The following GARNL3 variants were observed in gnomAD, a reference collection of about 807,000 sequenced individuals.
The protein encoded by GARNL3 is GTPase-activating Rap/Ran-GAP domain-like protein 3.
GARNL3 carries 63 observed loss-of-function variants against 125.0 expected under a neutral mutation model. The observed-to-expected ratio is 0.50, with a 90% confidence interval of 0.41 to 0.62. The LOEUF (loss-of-function observed/expected upper bound fraction) is 0.62, where lower values mean the gene tolerates loss of function less well. Ranked by LOEUF, GARNL3 falls within the 20% of genes least tolerant of loss-of-function variation. GARNL3 has a pLI of 0.00. For missense variants in GARNL3, 994 were observed against 1,244.0 expected (o/e 0.80, Z 3.02); for synonymous variants, 439 against 457.5 (o/e 0.96, Z 0.52).
chr9:127,229,806 C>T (rs919872982), intron 1 of GARNL3, among the ~76,000 whole-genome samples: 3 of 152,338 alleles, frequency 2.0e-5, no homozygotes, highest in Admixed American at 1.3e-4. Flanking sequence ...GTTTAAATGA[C>T]TCATGTTTAG....
rs781104697 is a variant in GARNL3, at chr9:127,336,210, C to T, written c.956C>T (p.Pro319Leu). 1.2e-6 allele frequency: 2 copies of T among 1,613,520 alleles called. No individual in the cohort carries two copies. Among genetic ancestry groups the T allele is most frequent in the South Asian group, 1.1e-5 (1 of 91,062 alleles). ...GAGGAATCTTCTCCTGCCTTTAAGC[C>T]TTCCATGATCCGCTCCCACTTTACA... ...EGEESSPAFKPSMIRSHFTHI... is the reference protein window; with the variant it reads ...EGEESSPAFKLSMIRSHFTHI... The change falls in exon 11 of 28, where the codon CCT becomes CTT. Residue 319 changes from proline (P) to leucine (L), a missense_variant. This residue lies in a region of GARNL3 where 728 missense variants were observed against 865.7 expected (regional missense o/e 0.84). Coordinates refer to ENST00000373387, the MANE Select transcript of GARNL3 (RefSeq NM_032293.5).
Position 127,344,878 on chromosome 9 carries a change from T to A in GARNL3, c.1357-525T>A, listed in dbSNP as rs557877625. Among the ~76,000 whole-genome samples, 5 of 152,230 alleles carry A rather than the reference T, an allele frequency of 3.3e-5. No homozygotes were observed. The East Asian group carries it at 9.7e-4, about 29-fold the overall frequency. On this transcript the variant is annotated intron_variant, in intron 15 of 27. Coordinates refer to ENST00000373387, the MANE Select transcript of GARNL3 (RefSeq NM_032293.5). ...CGCATGTGACACTGGTATTTCTCAG[T>A]TCCGGGAGGCGACACAGCTGTCTGC... is the stretch of plus-strand genomic sequence containing the variant.
chr9:127,339,398 G>A (rs968330721), intron 12 of GARNL3, among the ~76,000 whole-genome samples: 12 of 152,060 alleles, frequency 7.9e-5, no homozygotes, highest in African/African-American at 1.2e-4. Context: ...ACATGGTGGC[G>A]GCAAGAGAAA....
intron 1 of GARNL3, among the ~76,000 whole-genome samples, chr9:127,278,558 G>A (rs534657328): frequency 6.6e-6 from 1 of 152,158 alleles, no homozygotes; most frequent in African/African-American, 2.4e-5. Flanking sequence ...GCTTTCACAA[G>A]AACAACTTTA....
Position 127,226,328 on chromosome 9 carries a change from C to CCCTT in GARNL3, c.-29+1991_-29+1994dup, listed in dbSNP as rs569416943. On this transcript the variant is annotated intron_variant, in intron 1 of 10. Transcript: ENST00000439286. ...AGGATCCTTAAGATGAAGTGCGGGG[C>CCCTT]CCTTGACTTGGCCTTTTCCCTCCAT... 5.9e-5 allele frequency among the ~76,000 whole-genome samples: 9 copies of CCCTT among 152,332 alleles called. No individual in the cohort carries two copies. In the South Asian group the frequency reaches 1.7e-3, roughly 28 times the overall value.
In GARNL3 at chr9:127,242,556, A is replaced by G. The variant is rs1006578695; in HGVS notation, c.-28-523A>G. On this transcript the variant is annotated intron_variant, in intron 1 of 10. Coordinates refer to the GARNL3 transcript ENST00000439286. The surrounding 1 kb of genome is among the most constrained non-coding windows in gnomAD (Gnocchi z 4.6). ...TTAATTCAGCAAGCATTTACTGCTT[A>G]TATATACTATCTGCTATTACTCTTG... is the stretch of plus-strand genomic sequence containing the variant. Among the ~76,000 whole-genome samples the G allele has an allele frequency of 5.3e-5, 8 of 152,222 alleles. No individual in the cohort carries two copies. Among genetic ancestry groups the G allele is most frequent in the South Asian group, 4.1e-4 (2 of 4,824 alleles).
chr9:127,384,151 A>G lies in GARNL3; in HGVS notation c.2269+606A>G, dbSNP rs1832418545. Among the ~76,000 whole-genome samples, 1 of 152,246 alleles carries G rather than the reference A, an allele frequency of 6.6e-6. No individual in the cohort carries two copies. Among genetic ancestry groups the G allele is most frequent in the Non-Finnish European group, 1.5e-5 (1 of 68,040 alleles). On this transcript the variant is annotated intron_variant, in intron 23 of 27. Coordinates refer to ENST00000373387, the MANE Select transcript of GARNL3 (RefSeq NM_032293.5). The surrounding 1 kb of genome is among the most constrained non-coding windows in gnomAD (Gnocchi z 4.0). ...CAGGACAGCATTTTGAGAGGAAGGC[A>G]GAGGGACCAACCTAAGATCCTGGGA...
At chr9:127,263,442 G>A (rs887389534), upstream of GARNL3, among the ~76,000 whole-genome samples, 14 of 152,178 alleles carry the variant, frequency 9.2e-5, no homozygotes, top group Non-Finnish European at 2.1e-4. Flanking sequence ...TCCGCTCTCT[G>A]CCCGATCTCT....
rs531658120 is a variant in GARNL3, at chr9:127,366,344, A to G, written c.2161+978A>G. On this transcript the variant is annotated intron_variant, in intron 22 of 27. Transcript: ENST00000373387. The stretch of plus-strand genomic sequence containing the variant: ...TGCTCTTTGGGGACATTTTATGCAC[A>G]GAACTGTGCACCCTCCTCAGAACAG... Among the ~76,000 whole-genome samples the G allele has an allele frequency of 8.5e-5, 13 of 152,348 alleles. No homozygotes were observed. In the East Asian group the frequency reaches 2.5e-3, roughly 29 times the overall value.
intron 1 of GARNL3, among the ~76,000 whole-genome samples, chr9:127,226,887 G>C (rs943374358): frequency 6.6e-6 from 1 of 152,148 alleles, no homozygotes; most frequent in Non-Finnish European, 1.5e-5. Flanking sequence ...GAGACAAGCC[G>C]GAAGCTGGAT....
Position 127,342,279 on chromosome 9 carries a change from C to G in GARNL3, c.1196C>G (p.Thr399Ser). ...ACATTTGCCCAGAAACGTCGGCGTA[C>G]CCTGGATATGTTGATTAGATCTTTA... Reference protein sequence around the residue: ...TPTFAQKRRRTLDMLIRSLHQ... With the variant: ...TPTFAQKRRRSLDMLIRSLHQ... Residue 399 changes from threonine to serine, a missense_variant, in exon 14 of 28, where the codon ACC (threonine) becomes AGC (serine). Physicochemically the swap from Thr to Ser is moderately conservative, Grantham distance 58 (BLOSUM62 1). Transcript: ENST00000373387. The G allele has an allele frequency of 6.2e-7, 1 of 1,614,006 alleles. No homozygotes were observed. The highest frequency in any genetic ancestry group is 8.5e-7 in the Non-Finnish European group (1 of 1,179,878).
intron 2 of GARNL3, among the ~76,000 whole-genome samples, chr9:127,309,222 T>G (rs373623504): frequency 2.3e-4 from 35 of 152,344 alleles, no homozygotes; most frequent in African/African-American, 8.4e-4. Context: ...ACCTCTGGAA[T>G]TGGAACTGGT....
chr9:127,281,289 C>T (rs1025719553), intron 1 of GARNL3, among the ~76,000 whole-genome samples: 1 of 152,044 alleles, frequency 6.6e-6, no homozygotes, highest in Non-Finnish European at 1.5e-5. Flanking sequence ...GGGAGGTATT[C>T]GATTTGAAAA....
In GARNL3 at chr9:127,386,425, A is replaced by G. The variant is rs550605320; in HGVS notation, c.2389-768A>G. On this transcript the variant is annotated intron_variant, in intron 24 of 27. Coordinates refer to ENST00000373387, the MANE Select transcript of GARNL3 (RefSeq NM_032293.5). ...TAGTCTTTGCTGGATTCCATGGTGT[A>G]AAGAGTCCCTGCATGATTGATTTCA... Among the ~76,000 whole-genome samples, 6 of 152,332 alleles carry G rather than the reference A, an allele frequency of 3.9e-5. No individual in the cohort carries two copies. The East Asian group carries it at 1.2e-3, about 29-fold the overall frequency.
At chr9:127,354,719 A>G (rs1469454669) in intron 19 of GARNL3, among the ~76,000 whole-genome samples, 1 of 152,222 alleles carries the variant, frequency 6.6e-6, no homozygotes. Context: ...AATTGATGTC[A>G]TGTCGTAGGT....
chr9:127,317,689 C>T (rs2065278078), intron 4 of GARNL3, among the ~76,000 whole-genome samples: 1 of 152,128 alleles, frequency 6.6e-6, no homozygotes, highest in Admixed American at 6.5e-5. Flanking sequence ...GCGCTCCAGC[C>T]TAAGCAACAG....
chr9:127,231,013 TATATAC>T (rs2062992817), intron 1 of GARNL3, among the ~76,000 whole-genome samples: 1 of 119,892 alleles, frequency 8.3e-6, no homozygotes, highest in Non-Finnish European at 1.7e-5. Context: ...CATATGTGTA[TATATAC>T]ATATATGTAT....
upstream of GARNL3, among the ~76,000 whole-genome samples, chr9:127,262,386 C>T (rs1018370184): frequency 2.7e-4 from 41 of 152,202 alleles, no homozygotes; most frequent in African/African-American, 9.9e-4. Flanking sequence ...TGAAGCTCTG[C>T]CCTCCTGCAG....
At chr9:127,262,835 A>C (rs900110916), upstream of GARNL3, among the ~76,000 whole-genome samples, 3 of 152,176 alleles carry the variant, frequency 2.0e-5, no homozygotes, top group Non-Finnish European at 2.9e-5. Context: ...GGGCCTTGGG[A>C]GGAGAACAAA....
Sources: gnomAD v4.1 joint callset for allele counts (sites outside exome capture counted in the v4.1 genomes callset) on GRCh38, gnomAD v4.1.1 for gene constraint, gnomAD v4.1.1 regional missense constraint, Gnocchi (gnomAD v3.1) non-coding constraint, MANE v1.5 for transcripts, NCBI Gene and HGNC (gene_info 2026-07-23, HGNC 2026-07-21) for gene names.